KIF6: variants seen among roughly 807,000 people sequenced by gnomAD.
KIF6 encodes the protein kinesin-like protein KIF6.
In KIF6, 106 loss-of-function variants were observed where a neutral mutation model predicts 112.7. The observed-to-expected ratio is 0.94, with a 90% CI of 0.80 to 1.11. The LOEUF is 1.11. Ranked by LOEUF, KIF6 falls within the 50% of genes least tolerant of loss-of-function variation. The probability of loss-of-function intolerance (pLI) is 0.00; values close to 1 mark genes in which losing one functional copy is unlikely to be tolerated. For synonymous variants in KIF6, 339 were observed against 339.9 expected, an observed-to-expected ratio of 1.00 and a Z score of 0.03; for missense variants, 929 against 964.0, an observed-to-expected ratio of 0.96 and a Z score of 0.48.
chr6:39,372,042 G>T (rs1295661445), intron 16 of KIF6, among the ~76,000 whole-genome samples: 1 of 152,192 alleles, frequency 6.6e-6, no homozygotes, highest in Non-Finnish European at 1.5e-5. Flanking sequence ...AAAGAGAGAT[G>T]ACTATTTCCC....
intron 13 of KIF6, among the ~76,000 whole-genome samples, chr6:39,434,529 C>T (rs1771390888): frequency 6.6e-6 from 1 of 152,046 alleles, no homozygotes; most frequent in African/African-American, 2.4e-5. Flanking sequence ...CGAGATAGCA[C>T]CATTGCACTT....
chr6:39,618,925 A>G (rs1783669846), intron 5 of KIF6, among the ~76,000 whole-genome samples: 1 of 152,220 alleles, frequency 6.6e-6, no homozygotes, highest in Non-Finnish European at 1.5e-5. Flanking sequence ...TTATGATTTT[A>G]TAATTCCTGT....
At chr6:39,719,939 C>T (rs185053567) in intron 2 of KIF6, among the ~76,000 whole-genome samples, 7 of 152,022 alleles carry the variant, frequency 4.6e-5, no homozygotes, top group Non-Finnish European at 8.8e-5. Flanking sequence ...ACTATGACTC[C>T]ACCACTGCAC....
intron 5 of KIF6, among the ~76,000 whole-genome samples, chr6:39,634,130 G>T (rs1784496417): frequency 6.6e-6 from 1 of 152,076 alleles, no homozygotes; most frequent in Non-Finnish European, 1.5e-5. Flanking sequence ...TTCTAAATTA[G>T]AGTATTTAAT....
chr6:39,585,591 T>C (rs1460405543), intron 8 of KIF6, among the ~76,000 whole-genome samples: 1 of 152,232 alleles, frequency 6.6e-6, no homozygotes, highest in Non-Finnish European at 1.5e-5. Flanking sequence ...GTATGTGTTT[T>C]CAGTTGTTGA....
Position 39,332,721 on chromosome 6 carries a change from GTAGT to G in KIF6, c.*3807_*3810del, listed in dbSNP as rs1336976773. The G allele has an allele frequency of 6.6e-6, 1 of 152,196 alleles. No homozygotes were observed. Among genetic ancestry groups the G allele is most frequent in the Admixed American group, 6.5e-5 (1 of 15,286 alleles). 9.4% of individuals were successfully genotyped at this position (152,196 alleles called of 1,614,324 possible). ...TTTCTTCACATGCAGATGTTGATCG[GTAGT>G]TAGCTGAAGACTCAAGGGTAACCCT... On this transcript the variant is annotated 3_prime_UTR_variant, in exon 23 of 23. Coordinates refer to ENST00000287152, the MANE Select transcript of KIF6 (RefSeq NM_145027.6).
At chr6:39,402,760 C>A (rs1768800909) in intron 15 of KIF6, among the ~76,000 whole-genome samples, 1 of 152,194 alleles carries the variant, frequency 6.6e-6, no homozygotes, top group Admixed American at 6.5e-5. Flanking sequence ...TCTCAACCAC[C>A]TTACAGGTAT....
intron 10 of KIF6, among the ~76,000 whole-genome samples, chr6:39,577,512 T>G (rs1199047149): frequency 6.6e-6 from 1 of 152,238 alleles, no homozygotes; most frequent in Non-Finnish European, 1.5e-5. Context: ...ACCACTGATA[T>G]GCCATATGGC....
chr6:39,391,836 TC>T (rs1238558114), intron 15 of KIF6, among the ~76,000 whole-genome samples: 1 of 152,158 alleles, frequency 6.6e-6, no homozygotes, highest in African/African-American at 2.4e-5. Context: ...ATTTTACTCT[TC>T]AGTTTAGGGT....
At chr6:39,444,817 G>T (rs1357785868) in intron 13 of KIF6, among the ~76,000 whole-genome samples, 1 of 151,744 alleles carries the variant, frequency 6.6e-6, no homozygotes, top group Non-Finnish European at 1.5e-5. Context: ...GGGTCAGAAG[G>T]TCAGAGATGG....
At chr6:39,629,519 T>C (rs1395628577) in intron 5 of KIF6, among the ~76,000 whole-genome samples, 2 of 152,116 alleles carry the variant, frequency 1.3e-5, no homozygotes, top group East Asian at 3.8e-4. Flanking sequence ...TTTGGGCATT[T>C]ATTTTCTTAT....
intron 3 of KIF6, among the ~76,000 whole-genome samples, chr6:39,701,994 T>C (rs906687248): frequency 3.3e-5 from 5 of 152,224 alleles, no homozygotes; most frequent in African/African-American, 1.2e-4. Context: ...TTTAATTAGA[T>C]GCTTCTGATA....
At chr6:39,495,583 C>T (rs906968260) in intron 13 of KIF6, among the ~76,000 whole-genome samples, 3 of 152,034 alleles carry the variant, frequency 2.0e-5, no homozygotes, top group Non-Finnish European at 2.9e-5. Flanking sequence ...AAAGGTTTTA[C>T]GCAAATAAAA....
intron 13 of KIF6, among the ~76,000 whole-genome samples, chr6:39,470,801 G>A (rs1012220255): frequency 1.2e-4 from 17 of 145,858 alleles, no homozygotes; most frequent in Non-Finnish European, 3.1e-5. Flanking sequence ...GCATGCAAAT[G>A]CACTCCAAGG....
chr6:39,678,826 G>A (rs1290233578), intron 3 of KIF6, among the ~76,000 whole-genome samples: 3 of 152,136 alleles, frequency 2.0e-5, no homozygotes, highest in South Asian at 2.1e-4. Flanking sequence ...AACTATTCAA[G>A]CTTCTATAAC....
chr6:39,389,425 C>CACCCACATGGAATAAGGGTGCAA (rs1767686150), intron 15 of KIF6, among the ~76,000 whole-genome samples: 1 of 152,158 alleles, frequency 6.6e-6, no homozygotes, highest in East Asian at 1.9e-4. Flanking sequence ...ACAATAAATA[C>CACCCACATGGAATAAGGGTGCAA]TTATCTCTCA....
At chr6:39,546,505 G>C (rs1779076397) in intron 10 of KIF6, among the ~76,000 whole-genome samples, 1 of 152,002 alleles carries the variant, frequency 6.6e-6, no homozygotes, top group Non-Finnish European at 1.5e-5. Flanking sequence ...CCTCCCTTTG[G>C]AGGGACCATC....
In KIF6 at chr6:39,519,030, A is replaced by G. The variant is rs140741476; in HGVS notation, c.1645+20973T>C. ...TAGCTTCACAAAAGCATTTGACACCATGCATGGAACTGAGCTCTGGAAGAT... is the reference window on the plus strand; with the variant it reads ...TAGCTTCACAAAAGCATTTGACACCGTGCATGGAACTGAGCTCTGGAAGAT... On this transcript the variant is annotated intron_variant, in intron 13 of 22. Coordinates refer to ENST00000287152, the MANE Select transcript of KIF6 (RefSeq NM_145027.6). Among the ~76,000 whole-genome samples, 292 of 152,320 alleles carry G rather than the reference A, an allele frequency of 1.9e-3. 3 individuals are homozygous for G. Among genetic ancestry groups the G allele is most frequent in the African/African-American group, 6.8e-3 (284 of 41,566 alleles).
At chr6:39,570,273 TTGAC>T (rs571596503) in intron 10 of KIF6, among the ~76,000 whole-genome samples, 201 of 152,228 alleles carry the variant, frequency 1.3e-3, no homozygotes, top group African/African-American at 4.5e-3. Context: ...TGGAGAGACA[TTGAC>T]TGATGGAGGA....
Sources: allele counts gnomAD v4.1 joint callset (sites outside exome capture counted in the v4.1 genomes callset), GRCh38; gene constraint gnomAD v4.1.1; transcripts MANE v1.5; gene names NCBI Gene and HGNC (gene_info 2026-07-23, HGNC 2026-07-21).